Variants in GLDC observed in about 807,000 individuals in gnomAD.
GLDC encodes the protein glycine decarboxylase.
Under a neutral mutation model 121.3 loss-of-function variants are expected in GLDC, and 104 were observed. The ratio of observed to expected loss-of-function variants is 0.86; its 90% CI spans 0.73 to 1.01. The LOEUF is 1.01. Among genes scored for constraint, GLDC ranks in the 50% least tolerant of loss-of-function variants. The probability of loss-of-function intolerance (pLI) is 0.00; values close to 1 mark genes in which losing one functional copy is unlikely to be tolerated. For synonymous variants in GLDC, 546 were observed against 480.6 expected, an observed-to-expected ratio of 1.14 and a Z score of -1.78; for missense variants, 1,429 against 1,306.6, an observed-to-expected ratio of 1.09 and a Z score of -1.44.
chr9:6,590,175 T>C (rs1350085906), intron 11 of GLDC, among the ~76,000 whole-genome samples: 1 of 151,394 alleles, frequency 6.6e-6, no homozygotes, highest in Non-Finnish European at 1.5e-5. Context: ...AAATTAAATT[T>C]CTATAAAATT....
intron 17 of GLDC, among the ~76,000 whole-genome samples, chr9:6,557,040 G>A (rs1344608657): frequency 6.6e-6 from 1 of 152,066 alleles, no homozygotes; most frequent in Non-Finnish European, 1.5e-5. Context: ...CTTGCCTTCT[G>A]TTGAAGTTAA....
chr9:6,584,945 A>T (rs899473366), intron 15 of GLDC: 3 of 152,256 alleles, frequency 2.0e-5, no homozygotes. Flanking sequence ...AACACCAGGT[A>T]TGTAGGGAAA....
Position 6,604,528 on chromosome 9 carries a change from T to C in GLDC, c.1058+60A>G, listed in dbSNP as rs1818690394. 3 of 1,434,022 alleles carry C rather than the reference T, an allele frequency of 2.1e-6. No homozygotes were observed. In the South Asian group the frequency reaches 3.4e-5, roughly 16 times the overall value. The allele number at this position is 1,434,022 out of a possible 1,614,324, so 88.8% of individuals were successfully genotyped here. ...TTCAGATAGAAATCAACATTTGTGA[T>C]CAGAAGAAATCAGGGAAATCATAAT... On this transcript the variant is annotated intron_variant, in intron 7 of 24. Transcript: ENST00000321612.
chr9:6,555,290 T>C (rs11998836), intron 18 of GLDC, among the ~76,000 whole-genome samples: 9,788 of 152,216 alleles, frequency 0.064, 969 homozygotes, highest in African/African-American at 0.21. Flanking sequence ...AGGCTCGCAG[T>C]CTTCCCGAGA....
At position 6,588,414 on chromosome 9, in the gene GLDC, G is replaced by A; in HGVS notation, c.1694C>T (p.Ser565Leu). The A allele has an allele frequency of 1.2e-6, 2 of 1,611,850 alleles. No individual in the cohort carries two copies. Among genetic ancestry groups the A allele is most frequent in the Non-Finnish European group, 1.7e-6 (2 of 1,177,974 alleles). Residue 565 changes from serine (S) to leucine (L), a missense_variant, in exon 14 of 25, where the codon TCG (serine) becomes TTG (leucine). Ser to Leu is a moderately radical substitution (Grantham distance 145). Coordinates refer to ENST00000321612, the MANE Select transcript of GLDC (RefSeq NM_000170.3). ...TGAGCTACTTACTGCGAGTTCAGAC[G>A]AACTGTTCAGTTTCATGGTGCAGGA... The part of the protein sequence containing the change: ...LGSCTMKLNS[S>L]SELAPITWKE...
intron 15 of GLDC, among the ~76,000 whole-genome samples, chr9:6,569,643 C>A (rs1817915978): frequency 6.6e-6 from 1 of 151,976 alleles, no homozygotes; most frequent in South Asian, 2.1e-4. Flanking sequence ...CAGAGTGAGA[C>A]TCCATCACAA....
chr9:6,636,287 TAGTG>T (rs1819500505), intron 2 of GLDC, among the ~76,000 whole-genome samples: 1 of 145,332 alleles, frequency 6.9e-6, no homozygotes, highest in Non-Finnish European at 1.5e-5. Context: ...CTGGGTGACA[TAGTG>T]AGACTCCGTC....
chr9:6,583,507 C>G (rs1005309893), intron 15 of GLDC, among the ~76,000 whole-genome samples: 1 of 152,042 alleles, frequency 6.6e-6, no homozygotes, highest in African/African-American at 2.4e-5. Flanking sequence ...AGACTCCTGT[C>G]TCTACAAAAA....
intron 8 of GLDC, among the ~76,000 whole-genome samples, chr9:6,595,620 G>A (rs1003325153): frequency 6.6e-6 from 1 of 152,188 alleles, no homozygotes; most frequent in Non-Finnish European, 1.5e-5. Context: ...CTGAACTTCT[G>A]CCAACCAAGA....
intron 7 of GLDC, 65 bp from the exon 8 acceptor site, chr9:6,602,270 G>C: frequency 1.0e-6 from 1 of 975,008 alleles, no homozygotes; most frequent in Non-Finnish European, 1.6e-6. Flanking sequence ...GCTATAAATA[G>C]AATTACTTCT....
intron 15 of GLDC, among the ~76,000 whole-genome samples, chr9:6,582,340 G>A (rs1191656122): frequency 1.3e-5 from 2 of 149,526 alleles, no homozygotes; most frequent in Non-Finnish European, 3.0e-5. Context: ...CCAACACGGC[G>A]AAACCCTGTC....
chr9:6,639,022 A>C lies in GLDC; in HGVS notation c.334+5592T>G, dbSNP rs1384151300. 3.9e-5 allele frequency: 20 copies of C among 509,794 alleles called. No homozygotes were observed. The Admixed American group carries it at 5.9e-4, about 15-fold the overall frequency. The allele number at this position is 509,794 out of a possible 1,614,324, so 31.6% of individuals were successfully genotyped here. A position where few individuals can be genotyped will look rare whatever the true frequency, so the allele number is the denominator to read the frequency against. On this transcript the variant is annotated intron_variant, in intron 2 of 24. Transcript: ENST00000321612. ...AGACTCTGTCTCAGAAAAAAAAAAA[A>C]AGTATATCCTCAGAGTGTCTTTCAA...
intron 15 of GLDC, among the ~76,000 whole-genome samples, chr9:6,574,726 T>C (rs1420610566): frequency 6.6e-6 from 1 of 152,160 alleles, no homozygotes; most frequent in African/African-American, 2.4e-5. Flanking sequence ...GCATTCTGAC[T>C]GTTTCTTTGG....
intron 10 of GLDC, 25 bp downstream of exon 10, chr9:6,592,826 T>G: frequency 6.2e-7 from 1 of 1,607,186 alleles, no homozygotes; most frequent in Non-Finnish European, 8.5e-7. Flanking sequence ...GAAAAACTGG[T>G]AAAAATACTG....
At chr9:6,609,566 G>C (rs912824747) in intron 4 of GLDC, among the ~76,000 whole-genome samples, 2 of 152,014 alleles carry the variant, frequency 1.3e-5, no homozygotes, top group Non-Finnish European at 2.9e-5. Context: ...TCATGTGTGT[G>C]TGTTATGGGG....
intron 2 of GLDC, chr9:6,622,840 C>T (rs2578265): frequency 0.3 from 63,651 of 209,898 alleles, 10,488 homozygotes; most frequent in East Asian, 0.48. Flanking sequence ...AAGTGAGGAG[C>T]GTCTCTGCCC....
At chr9:6,533,215 G>A in intron 24 of GLDC, 55 bp from the exon 25 acceptor site, 1 of 1,497,962 alleles carries the variant, frequency 6.7e-7, no homozygotes, top group Non-Finnish European at 9.3e-7. Context: ...GTTTCTCTTA[G>A]GGCAAAGGAG....
rs760801304 is a variant in GLDC at position 6,588,440 on chromosome 9, T to C, written c.1668A>G (p.Gly556=). ...ISLVHSMIPL[G]SCTMKLNSSS... is the part of the protein sequence containing the mutation. ...AACTGTTCAGTTTCATGGTGCAGGATCCCTTTAAGAAGAACATCCAAAATG... is the reference window on the plus strand; with the variant it reads ...AACTGTTCAGTTTCATGGTGCAGGACCCCTTTAAGAAGAACATCCAAAATG... Residue 556 remains glycine (G), a splice_region_variant and synonymous_variant, in exon 14 of 25, where the codon GGA becomes GGG. Transcript: ENST00000321612. 13 of 1,611,732 alleles carry C rather than the reference T, an allele frequency of 8.1e-6. No individual in the cohort carries two copies. The highest frequency in any genetic ancestry group is 1.1e-5 in the Non-Finnish European group (13 of 1,177,794).
intron 15 of GLDC, 23 bp from the exon 16 acceptor site, chr9:6,565,452 G>A: frequency 6.3e-7 from 1 of 1,580,700 alleles, no homozygotes. Context: ...AGAAGAAAGG[G>A]ATCACGGTTA....
Sources: gnomAD v4.1 joint callset for allele counts (sites outside exome capture counted in the v4.1 genomes callset) on GRCh38, gnomAD v4.1.1 for gene constraint, MANE v1.5 for transcripts, NCBI Gene and HGNC (gene_info 2026-07-23, HGNC 2026-07-21) for gene names.